Variants in CEP135 observed in about 807,000 individuals in gnomAD.
CEP135 encodes the protein centrosomal protein of 135 kDa.
In CEP135, 142 loss-of-function variants were observed where a neutral mutation model predicts 157.3. The ratio of observed to expected loss-of-function variants is 0.90; its 90% CI spans 0.79 to 1.04. The LOEUF (loss-of-function observed/expected upper bound fraction) is 1.04, where lower values mean the gene tolerates loss of function less well. Among genes scored for constraint, CEP135 ranks in the 50% least tolerant of loss-of-function variants. The pLI, the probability that CEP135 is intolerant of heterozygous loss-of-function variation, is 0.00. For synonymous variants in CEP135, 396 were observed against 439.8 expected, an observed-to-expected ratio of 0.90 and a Z score of 1.25; for missense variants, 1,317 against 1,309.2, an observed-to-expected ratio of 1.01 and a Z score of -0.09.
In CEP135 at chr4:55,991,962, C is replaced by T; in HGVS notation, c.1886C>T (p.Ser629Phe). 8 of 1,528,418 alleles carry T rather than the reference C, an allele frequency of 5.2e-6. No individual in the cohort carries two copies. Among genetic ancestry groups the T allele is most frequent in the Non-Finnish European group, 6.2e-6 (7 of 1,121,026 alleles). 94.7% of individuals were successfully genotyped at this position (1,528,418 alleles called of 1,614,324 possible). ...QLESEKYELK[S>F]KVLIMKETIE... The stretch of plus-strand genomic sequence containing the variant: ...GAAAGCGAAAAATATGAATTAAAGT[C>T]TAAAGTGTTAATAATGAAAGAAACA... The change falls in exon 15 of 26, where the codon TCT (serine) becomes TTT (phenylalanine). Residue 629 changes from serine to phenylalanine, a missense_variant. Ser to Phe is a radical substitution (Grantham distance 155, BLOSUM62 -2). Coordinates refer to ENST00000257287, the MANE Select transcript of CEP135 (RefSeq NM_025009.5).
chr4:56,005,446 C>CA (rs1730319991), intron 17 of CEP135, among the ~76,000 whole-genome samples: 2 of 151,952 alleles, frequency 1.3e-5, no homozygotes, highest in Admixed American at 6.6e-5. Flanking sequence ...ACAAACAAAA[C>CA]AAAAAACCCA....
Position 55,954,355 on chromosome 4 carries a change from G to A in CEP135, c.444G>A (p.Lys148=). The A allele has an allele frequency of 6.2e-7, 1 of 1,605,604 alleles. No homozygotes were observed. The highest frequency in any genetic ancestry group is 8.5e-7 in the Non-Finnish European group (1 of 1,177,532). ...KNERIQQLQE[K]NLHAVVQTPG... ...AAAGAATTCAACAACTTCAAGAAAAGAATTTGCATGCTGTAGTACAAACTC... is the reference window on the plus strand; with the variant it reads ...AAAGAATTCAACAACTTCAAGAAAAAAATTTGCATGCTGTAGTACAAACTC... Residue 148 remains lysine (K), a synonymous_variant, in exon 4 of 26, where the codon AAG becomes AAA. Transcript: ENST00000257287.
At position 56,032,683 on chromosome 4, in the gene CEP135, C is replaced by CAACAGAAGTACAAAAAAGAAT. The variant is rs1731399140; in HGVS notation, c.*1337_*1357dup. On this transcript the variant is annotated 3_prime_UTR_variant, in exon 26 of 26. Transcript: ENST00000257287. ...TGGGTGTATACCTATGTTAATGAAA[C>CAACAGAAGTACAAAAAAGAAT]AACAGAAGTACAAAAAAGAATATCA... 2.0e-5 allele frequency: 3 copies of CAACAGAAGTACAAAAAAGAAT among 151,882 alleles called. No homozygotes were observed. In the South Asian group the frequency reaches 6.2e-4, roughly 32 times the overall value. The allele number at this position is 151,882 out of a possible 1,614,324, so 9.4% of individuals were successfully genotyped here.
chr4:55,965,937 T>C (rs567998838), intron 8 of CEP135, 78 bp downstream of exon 8: 2 of 1,226,266 alleles, frequency 1.6e-6, no homozygotes, highest in Non-Finnish European at 2.3e-6. Context: ...CCTTTTGATA[T>C]CTGCATTCAG....
In CEP135 at chr4:56,009,863, G is replaced by A. The variant is rs970492110; in HGVS notation, c.2465G>A (p.Arg822Lys). The A allele has an allele frequency of 6.8e-6, 11 of 1,613,642 alleles. No individual in the cohort carries two copies. The highest frequency in any genetic ancestry group is 1.3e-5 in the African/African-American group (1 of 74,916). The part of the protein sequence containing the change: ...SREIAFKENR[R>K]LQDDLATMAR... ...GAAATCGCTTTTAAGGAAAACAGAAGACTGCAAGATGACCTGGCTACAATG... is the reference window on the plus strand; with the variant it reads ...GAAATCGCTTTTAAGGAAAACAGAAAACTGCAAGATGACCTGGCTACAATG... The change falls in exon 19 of 26, where the codon AGA becomes AAA. Residue 822 changes from arginine to lysine, a missense_variant. Physicochemically the swap from Arg to Lys is conservative, Grantham distance 26. Transcript: ENST00000257287.
chr4:56,015,352 G>GACC (rs1560423279), intron 21 of CEP135, among the ~76,000 whole-genome samples: 1 of 152,212 alleles, frequency 6.6e-6, no homozygotes, highest in Non-Finnish European at 1.5e-5. Context: ...GTAGCTCAGA[G>GACC]ACCAGCAAGG....
Position 56,008,318 on chromosome 4 carries a change from T to C in CEP135, c.2281-9T>C, listed in dbSNP as rs759940593. ...TTTAAAATCTTACACATTTTTGTAATTTCTATAGGAAAAAGCTGTTGCTCA... is the reference window on the plus strand; with the variant it reads ...TTTAAAATCTTACACATTTTTGTAACTTCTATAGGAAAAAGCTGTTGCTCA... On this transcript the variant is annotated splice_polypyrimidine_tract_variant and intron_variant, in intron 17 of 25. Transcript: ENST00000257287. 9 of 1,601,620 alleles carry C rather than the reference T, an allele frequency of 5.6e-6. No individual in the cohort carries two copies. The highest frequency in any genetic ancestry group is 7.7e-6 in the Non-Finnish European group (9 of 1,172,742).
chr4:56,017,721 A>T lies in CEP135; in HGVS notation c.2876A>T (p.Glu959Val), dbSNP rs1458904367. The change falls in exon 22 of 26, where the codon GAG becomes GTG. Residue 959 changes from glutamate (E) to valine (V), a missense_variant. Physicochemically the swap from Glu to Val is moderately radical, Grantham distance 121. Transcript: ENST00000257287. ...MAKAMSRLEE[E>V]LRHQEDEKAT... ...AAAGCCATGTCTCGATTAGAAGAAGAGCTGAGACATCAAGAAGATGAGAAA... is the reference window on the plus strand; with the variant it reads ...AAAGCCATGTCTCGATTAGAAGAAGTGCTGAGACATCAAGAAGATGAGAAA... 1 of 1,613,892 alleles carries T rather than the reference A, an allele frequency of 6.2e-7. No individual in the cohort carries two copies. Among genetic ancestry groups the T allele is most frequent in the Non-Finnish European group, 8.5e-7 (1 of 1,179,986 alleles).
rs769965291 is a variant in CEP135 at position 55,953,100 on chromosome 4, A to G, written c.129A>G (p.Thr43=). 1 of 1,578,004 alleles carries G rather than the reference A, an allele frequency of 6.3e-7. No individual in the cohort carries two copies. The highest frequency in any genetic ancestry group is 8.6e-7 in the Non-Finnish European group (1 of 1,169,570). ...VEKLFSDLVH[T]TESLRQSKLS... is the part of the protein sequence containing the mutation. Reference sequence around the variant, plus strand: ...GTTCTTTTAGCGACTTAGTTCATACAACTGAGAGCCTTCGGCAATCAAAAT... The same window carrying G: ...GTTCTTTTAGCGACTTAGTTCATACGACTGAGAGCCTTCGGCAATCAAAAT... The change falls in exon 3 of 26, where the codon ACA becomes ACG. Residue 43 remains threonine (T), a synonymous_variant. Transcript: ENST00000257287.
intron 25 of CEP135, among the ~76,000 whole-genome samples, chr4:56,029,554 A>T (rs1449942305): frequency 6.6e-6 from 1 of 152,150 alleles, no homozygotes; most frequent in Non-Finnish European, 1.5e-5. Flanking sequence ...ACAACAGGGG[A>T]TATGTTCTGA....
intron 24 of CEP135, among the ~76,000 whole-genome samples, chr4:56,023,667 CTAATATAATATATATCACA>C (rs1731045547): frequency 7.2e-6 from 1 of 139,182 alleles, no homozygotes; most frequent in African/African-American, 2.6e-5. Flanking sequence ...ATATAATATA[CTAATATAATATATATCACA>C]TAATATATAT....
chr4:56,006,205 C>T (rs898258722), intron 17 of CEP135, among the ~76,000 whole-genome samples: 11 of 152,282 alleles, frequency 7.2e-5, no homozygotes, highest in Middle Eastern at 3.4e-3. Flanking sequence ...CCCTCTTGAA[C>T]ACCAGTAATC....
At chr4:55,951,294 T>C (rs1345888899) in intron 1 of CEP135, among the ~76,000 whole-genome samples, 1 of 152,204 alleles carries the variant, frequency 6.6e-6, no homozygotes, top group African/African-American at 2.4e-5. Flanking sequence ...TCCAGAAGTA[T>C]GTTTAACTTT....
intron 25 of CEP135, among the ~76,000 whole-genome samples, chr4:56,027,954 A>G (rs1731211079): frequency 6.6e-6 from 1 of 152,164 alleles, no homozygotes. Flanking sequence ...CCCAGCTCCT[A>G]GTAACTTCAG....
chr4:56,019,331 TCTTA>T lies in CEP135; in HGVS notation c.3013-18_3013-15del. ...TAAGTTTAAAATTGTACTGAAGTAA[TCTTA>T]CTTTGTTTTTCACGTAGGTTGTGGT... is the stretch of plus-strand genomic sequence containing the variant. On this transcript the variant is annotated intron_variant, in intron 22 of 25. Transcript: ENST00000257287. 6.3e-7 allele frequency: 1 copy of T among 1,583,210 alleles called. No individual in the cohort carries two copies. The highest frequency in any genetic ancestry group is 1.4e-5 in the African/African-American group (1 of 73,794).
At chr4:55,983,266 T>G (rs1384804785) in intron 13 of CEP135, among the ~76,000 whole-genome samples, 2 of 152,236 alleles carry the variant, frequency 1.3e-5, no homozygotes, top group Non-Finnish European at 2.9e-5. Flanking sequence ...AAAATAGGAT[T>G]TTTTAAATGC....
chr4:55,988,532 C>G (rs1421963075), intron 14 of CEP135, among the ~76,000 whole-genome samples: 1 of 151,980 alleles, frequency 6.6e-6, no homozygotes, highest in Non-Finnish European at 1.5e-5. Flanking sequence ...AGGTGGCACG[C>G]GCCTGTAGTC....
In CEP135 at chr4:55,953,085, C is replaced by T. The variant is rs780365984; in HGVS notation, c.114C>T (p.Ser38=). The T allele has an allele frequency of 8.1e-5, 125 of 1,547,244 alleles. No homozygotes were observed. Among genetic ancestry groups the T allele is most frequent in the Non-Finnish European group, 9.8e-5 (113 of 1,153,898 alleles). ...GTATTTAAATTTTCTGTTCTTTTAG[C>T]GACTTAGTTCATACAACTGAGAGCC... The part of the protein sequence containing the change: ...ECLPLVEKLF[S]DLVHTTESLR... The change falls in exon 3 of 26, where the codon AGC becomes AGT. Residue 38 remains serine (S), a splice_region_variant and synonymous_variant. Transcript: ENST00000257287.
intron 4 of CEP135, 133 bp downstream of exon 4, chr4:55,954,516 G>C: frequency 3.2e-6 from 2 of 620,480 alleles, no homozygotes; most frequent in Non-Finnish European, 5.1e-6. Context: ...ATATTGAATA[G>C]ACCGTAAACT....
Sources: allele counts gnomAD v4.1 joint callset (sites outside exome capture counted in the v4.1 genomes callset), GRCh38; gene constraint gnomAD v4.1.1; transcripts MANE v1.5; gene names NCBI Gene and HGNC (gene_info 2026-07-23, HGNC 2026-07-21).